LRRTM4: variants seen among roughly 807,000 people sequenced by gnomAD.
The protein encoded by LRRTM4 is leucine-rich repeat transmembrane neuronal protein 4.
A neutral mutation model predicts 47.6 loss-of-function variants in LRRTM4; 25 were observed. The observed-to-expected ratio is 0.53, with a 90% CI of 0.38 to 0.73. The LOEUF is 0.73. Ranked by LOEUF, LRRTM4 falls within the 30% of genes least tolerant of loss-of-function variation. The pLI is 0.00. For synonymous variants in LRRTM4, 311 were observed against 269.5 expected, an observed-to-expected ratio of 1.15 and a Z score of -1.51; for missense variants, 638 against 713.4, an observed-to-expected ratio of 0.89 and a Z score of 1.20.
intron 3 of LRRTM4, among the ~76,000 whole-genome samples, chr2:77,160,831 G>A (rs896453540): frequency 6.6e-6 from 1 of 152,122 alleles, no homozygotes; most frequent in Non-Finnish European, 1.5e-5. Context: ...CCTGAATTTT[G>A]CTAAGATATT....
chr2:77,427,880 C>A (rs1300368327), intron 3 of LRRTM4, among the ~76,000 whole-genome samples: 1 of 152,170 alleles, frequency 6.6e-6, no homozygotes, highest in Non-Finnish European at 1.5e-5. Context: ...AATTTGCCAA[C>A]TTTCCCATTT....
intron 3 of LRRTM4, among the ~76,000 whole-genome samples, chr2:77,484,524 T>C (rs1339743639): frequency 3.3e-5 from 5 of 152,330 alleles, no homozygotes; most frequent in African/African-American, 9.6e-5. Context: ...TTTCTGTTTT[T>C]TCTTTTTCTA....
At chr2:77,315,810 A>G (rs1677601845) in intron 3 of LRRTM4, among the ~76,000 whole-genome samples, 1 of 152,194 alleles carries the variant, frequency 6.6e-6, no homozygotes, top group Non-Finnish European at 1.5e-5. Flanking sequence ...TGTGATCATC[A>G]CAGAAGATAC....
intron 3 of LRRTM4, among the ~76,000 whole-genome samples, chr2:77,482,238 T>A (rs1345513010): frequency 1.3e-5 from 2 of 152,214 alleles, no homozygotes; most frequent in African/African-American, 4.8e-5. Context: ...TTGCCAATCT[T>A]TATTCCAACT....
chr2:77,039,692 AG>A (rs1431463860), intron 3 of LRRTM4, among the ~76,000 whole-genome samples: 1 of 151,306 alleles, frequency 6.6e-6, no homozygotes, highest in Admixed American at 6.6e-5. Flanking sequence ...TTGTATACAC[AG>A]ATTAGATCCT....
intron 3 of LRRTM4, among the ~76,000 whole-genome samples, chr2:76,766,149 CT>C (rs1486740971): frequency 6.6e-6 from 1 of 152,160 alleles, no homozygotes; most frequent in African/African-American, 2.4e-5. Context: ...TTTATCCTTT[CT>C]TGAACATCTT....
intron 3 of LRRTM4, among the ~76,000 whole-genome samples, chr2:76,824,005 T>C (rs962970513): frequency 6.7e-6 from 1 of 149,368 alleles, no homozygotes; most frequent in Non-Finnish European, 1.5e-5. Context: ...AGAGAGAAAT[T>C]TGTGCTCACA....
At chr2:76,992,210 C>A (rs889908644) in intron 3 of LRRTM4, among the ~76,000 whole-genome samples, 17 of 151,748 alleles carry the variant, frequency 1.1e-4, no homozygotes, top group Non-Finnish European at 1.0e-4. Context: ...GAAGCATTAT[C>A]CTTAAGAATT....
At chr2:77,470,270 A>C (rs1383429088) in intron 3 of LRRTM4, among the ~76,000 whole-genome samples, 1 of 152,326 alleles carries the variant, frequency 6.6e-6, no homozygotes, top group East Asian at 1.9e-4. Flanking sequence ...CTAAGGATTA[A>C]GAGCCATATA....
intron 3 of LRRTM4, among the ~76,000 whole-genome samples, chr2:76,930,453 G>A (rs1674734681): frequency 6.6e-6 from 1 of 152,032 alleles, no homozygotes. Context: ...TGCACATATT[G>A]GCTCTTTTGA....
intron 3 of LRRTM4, among the ~76,000 whole-genome samples, chr2:76,896,832 T>C (rs538548141): frequency 5.4e-5 from 8 of 148,104 alleles, no homozygotes; most frequent in African/African-American, 1.3e-4. Flanking sequence ...CAGGAACACA[T>C]TGTTTGGCAA....
chr2:77,194,130 T>C (rs1673751160), intron 3 of LRRTM4, among the ~76,000 whole-genome samples: 1 of 152,142 alleles, frequency 6.6e-6, no homozygotes. Flanking sequence ...AAGGGCCTTC[T>C]TGCCCAGGTC....
At chr2:77,122,725 A>C (rs1004911336) in intron 3 of LRRTM4, among the ~76,000 whole-genome samples, 1 of 151,806 alleles carries the variant, frequency 6.6e-6, no homozygotes, top group Non-Finnish European at 1.5e-5. Flanking sequence ...TCACCAAGTT[A>C]AAAAATAAAT....
chr2:76,792,515 G>A (rs1292417754), intron 3 of LRRTM4, among the ~76,000 whole-genome samples: 1 of 152,110 alleles, frequency 6.6e-6, no homozygotes, highest in Non-Finnish European at 1.5e-5. Context: ...AGGAAGGCGT[G>A]TGTGTGTATC....
chr2:76,992,443 A>T (rs1337555564), intron 3 of LRRTM4, among the ~76,000 whole-genome samples: 1 of 151,796 alleles, frequency 6.6e-6, no homozygotes, highest in African/African-American at 2.4e-5. Context: ...GTTTGGGGAT[A>T]CAAAATTAAT....
At chr2:76,826,933 A>T (rs1671206591) in intron 3 of LRRTM4, among the ~76,000 whole-genome samples, 1 of 151,922 alleles carries the variant, frequency 6.6e-6, no homozygotes, top group Non-Finnish European at 1.5e-5. Context: ...GCCATCTCAG[A>T]CAGGCACATT....
chr2:76,829,913 A>C (rs778534098), intron 3 of LRRTM4, among the ~76,000 whole-genome samples: 2 of 152,068 alleles, frequency 1.3e-5, no homozygotes, highest in Non-Finnish European at 2.9e-5. Context: ...AGAGTGAAGA[A>C]ACATGCATGG....
intron 3 of LRRTM4, among the ~76,000 whole-genome samples, chr2:76,980,099 A>G (rs1676554560): frequency 6.6e-6 from 1 of 152,100 alleles, no homozygotes; most frequent in Non-Finnish European, 1.5e-5. Flanking sequence ...CTAAAATTAT[A>G]ATACATAAAC....
intron 3 of LRRTM4, among the ~76,000 whole-genome samples, chr2:77,158,413 G>T (rs1331890603): frequency 6.6e-6 from 1 of 152,020 alleles, no homozygotes. Context: ...TCTTTTTGGG[G>T]AAATAAACAC....
Sources: allele counts gnomAD v4.1 joint callset (sites outside exome capture counted in the v4.1 genomes callset), GRCh38; gene constraint gnomAD v4.1.1; transcripts MANE v1.5; gene names NCBI Gene and HGNC (gene_info 2026-07-23, HGNC 2026-07-21).